The following EPHA6 variants were observed in gnomAD, a reference collection of about 807,000 sequenced individuals.
The protein encoded by EPHA6 is ephrin type-A receptor 6.
Under a neutral mutation model 112.0 loss-of-function variants are expected in EPHA6, and 50 were observed. The ratio of observed to expected loss-of-function variants is 0.45; its 90% CI spans 0.36 to 0.56. The LOEUF (loss-of-function observed/expected upper bound fraction) is 0.56. EPHA6 is among the 20% of genes least tolerant of loss of function. The pLI is 0.00. For missense variants in EPHA6, 1,280 were observed against 1,417.4 expected, an observed-to-expected ratio of 0.90 and a Z score of 1.56; for synonymous variants, 529 against 490.7, an observed-to-expected ratio of 1.08 and a Z score of -1.03.
At chr3:97,066,211 CA>C (rs2046174013) in intron 3 of EPHA6, among the ~76,000 whole-genome samples, 1 of 151,664 alleles carries the variant, frequency 6.6e-6, no homozygotes, top group African/African-American at 2.4e-5. Flanking sequence ...TTTCTTCTAC[CA>C]TAGGCCTGAT....
At chr3:96,994,438 T>C (rs2107873585) in intron 3 of EPHA6, among the ~76,000 whole-genome samples, 1 of 152,208 alleles carries the variant, frequency 6.6e-6, no homozygotes, top group Non-Finnish European at 1.5e-5. Context: ...CAAAGTATTA[T>C]GCTAATTTAC....
At chr3:97,651,631 G>A (rs1192623861) in intron 14 of EPHA6, among the ~76,000 whole-genome samples, 1 of 151,966 alleles carries the variant, frequency 6.6e-6, no homozygotes, top group Non-Finnish European at 1.5e-5. Context: ...GCCAAGTGCT[G>A]TTTGTTCGTG....
At chr3:96,982,883 C>CT (rs1174207959) in intron 2 of EPHA6, among the ~76,000 whole-genome samples, 1 of 151,902 alleles carries the variant, frequency 6.6e-6, no homozygotes, top group Non-Finnish European at 1.5e-5. Flanking sequence ...CAACCCCTGC[C>CT]TTTTTTTGTT....
chr3:97,130,375 T>A (rs2108325293), intron 3 of EPHA6, among the ~76,000 whole-genome samples: 1 of 152,166 alleles, frequency 6.6e-6, no homozygotes. Context: ...AAATCCAATT[T>A]GCTTTTATTG....
rs181746329 is a variant in EPHA6 at position 96,994,029 on chromosome 3, G to T, written c.1114+6036G>T. On this transcript the variant is annotated intron_variant, in intron 3 of 17. Coordinates refer to ENST00000389672, the MANE Select transcript of EPHA6 (RefSeq NM_001080448.3). The stretch of plus-strand genomic sequence containing the variant: ...CTTGTTATGATATTTTATCCAAAAA[G>T]TCGTACTACTGAATGTTTGAATTTG... 2.6e-5 allele frequency among the ~76,000 whole-genome samples: 4 copies of T among 152,114 alleles called. No homozygotes were observed. In the East Asian group the frequency reaches 7.7e-4, roughly 29 times the overall value.
In EPHA6 at chr3:97,424,949, G is replaced by C. The variant is rs534609194; in HGVS notation, c.1731+19675G>C. ...CCAATGCAAGTCCAAAATCAAACAAGTCAGTAATTAAATTTTAAAGCTCCC... is the reference window on the plus strand; with the variant it reads ...CCAATGCAAGTCCAAAATCAAACAACTCAGTAATTAAATTTTAAAGCTCCC... On this transcript the variant is annotated intron_variant, in intron 6 of 17. Coordinates refer to ENST00000389672, the MANE Select transcript of EPHA6 (RefSeq NM_001080448.3). Among the ~76,000 whole-genome samples, 102 of 152,152 alleles carry C rather than the reference G, an allele frequency of 6.7e-4. 1 individual carries two copies. The highest frequency in any genetic ancestry group is 2.4e-3 in the African/African-American group (99 of 41,530).
chr3:97,390,156 C>A (rs1690194129), intron 5 of EPHA6, among the ~76,000 whole-genome samples: 1 of 152,154 alleles, frequency 6.6e-6, no homozygotes, highest in South Asian at 2.1e-4. Context: ...TTGTCTGACA[C>A]AAAGACTACG....
At chr3:97,098,268 T>G (rs2047302941) in intron 3 of EPHA6, among the ~76,000 whole-genome samples, 1 of 151,974 alleles carries the variant, frequency 6.6e-6, no homozygotes, top group African/African-American at 2.4e-5. Flanking sequence ...TATTCTATAC[T>G]TCTAAAACAT....
At chr3:97,372,210 C>A (rs2085096799) in intron 5 of EPHA6, among the ~76,000 whole-genome samples, 1 of 152,052 alleles carries the variant, frequency 6.6e-6, no homozygotes, top group African/African-American at 2.4e-5. Flanking sequence ...CATGTGATGT[C>A]TCCCCCGGAC....
At chr3:96,973,835 A>G (rs1459871747) in intron 2 of EPHA6, among the ~76,000 whole-genome samples, 5 of 147,044 alleles carry the variant, frequency 3.4e-5, no homozygotes, top group Admixed American at 6.9e-5. Flanking sequence ...AAAAAAAAAA[A>G]AAAAAGAAAA....
At position 97,376,297 on chromosome 3, in the gene EPHA6, A is replaced by G. The variant is rs184639235; in HGVS notation, c.1607-28853A>G. On this transcript the variant is annotated intron_variant, in intron 5 of 17. Transcript: ENST00000389672. ...CATACAATTTTGTTAAAACTAAAGT[A>G]CAGAATTACTTTTAAAAGGTAAATT... Among the ~76,000 whole-genome samples the G allele has an allele frequency of 3.3e-5, 5 of 152,312 alleles. No individual in the cohort carries two copies. In the East Asian group the frequency reaches 9.6e-4, roughly 29 times the overall value.
intron 6 of EPHA6, chr3:97,447,741 T>G: frequency 2.0e-6 from 2 of 1,012,348 alleles, no homozygotes; most frequent in Non-Finnish European, 2.4e-6. Flanking sequence ...CCCTGGCAAG[T>G]TCACTTCCAT....
intron 14 of EPHA6, among the ~76,000 whole-genome samples, chr3:97,641,324 AG>A (rs1274904280): frequency 6.6e-6 from 1 of 152,212 alleles, no homozygotes; most frequent in Non-Finnish European, 1.5e-5. Context: ...CCTCTTAAAA[AG>A]AATGAAATAG....
intron 6 of EPHA6, chr3:97,447,918 T>C: frequency 3.0e-6 from 1 of 334,504 alleles, no homozygotes; most frequent in South Asian, 1.2e-4. Flanking sequence ...ACTATGTAAC[T>C]AGTATATGTT....
At chr3:96,972,488 G>A (rs903156281) in intron 2 of EPHA6, among the ~76,000 whole-genome samples, 13 of 150,208 alleles carry the variant, frequency 8.7e-5, no homozygotes, top group African/African-American at 3.2e-4. Context: ...AGGTAAAGAC[G>A]AAAATATGTT....
At chr3:97,085,686 A>C (rs1407279349) in intron 3 of EPHA6, among the ~76,000 whole-genome samples, 1 of 152,016 alleles carries the variant, frequency 6.6e-6, no homozygotes, top group Admixed American at 6.6e-5. Context: ...GTATGAGGTA[A>C]ATTTTGCTGC....
chr3:97,403,745 C>T (rs939627779), intron 5 of EPHA6, among the ~76,000 whole-genome samples: 1 of 152,174 alleles, frequency 6.6e-6, no homozygotes, highest in South Asian at 2.1e-4. Context: ...CGCGCCCGGC[C>T]TTTTAAAGTT....
At chr3:96,817,148 T>G (rs1478606009) in intron 1 of EPHA6, among the ~76,000 whole-genome samples, 1 of 151,948 alleles carries the variant, frequency 6.6e-6, no homozygotes, top group Non-Finnish European at 1.5e-5. Flanking sequence ...AAAATTTAGG[T>G]GACTTCTTCA....
chr3:97,181,028 G>T (rs942665859), intron 3 of EPHA6, among the ~76,000 whole-genome samples: 10 of 152,086 alleles, frequency 6.6e-5, no homozygotes, highest in African/African-American at 2.2e-4. Context: ...GATGAGGTTT[G>T]CAGGTACTCA....
Sources: allele counts gnomAD v4.1 joint callset (sites outside exome capture counted in the v4.1 genomes callset), GRCh38; gene constraint gnomAD v4.1.1; transcripts MANE v1.5; gene names NCBI Gene and HGNC (gene_info 2026-07-23, HGNC 2026-07-21).